PTPN9: variants seen among roughly 807,000 people sequenced by gnomAD.
The protein encoded by PTPN9 is tyrosine-protein phosphatase non-receptor type 9.
Under a neutral mutation model 69.8 loss-of-function variants are expected in PTPN9, and 26 were observed. The ratio of observed to expected loss-of-function variants is 0.37; its 90% CI spans 0.27 to 0.52. PTPN9 has a LOEUF of 0.52. Ranked by LOEUF, PTPN9 falls within the 20% of genes least tolerant of loss-of-function variation. PTPN9 has a pLI of 0.91. For synonymous variants in PTPN9, 274 were observed against 272.5 expected, an observed-to-expected ratio of 1.01 and a Z score of -0.05; for missense variants, 549 against 740.3, an observed-to-expected ratio of 0.74 and a Z score of 3.00.
At chr15:75,552,613 G>A (rs151059570) in intron 1 of PTPN9, among the ~76,000 whole-genome samples, 2 of 151,576 alleles carry the variant, frequency 1.3e-5, no homozygotes, top group African/African-American at 2.4e-5. Context: ...GCATGTTTGC[G>A]GCTCAGATAT....
chr15:75,568,792 A>T (rs1022589088), intron 1 of PTPN9, among the ~76,000 whole-genome samples: 1 of 151,818 alleles, frequency 6.6e-6, no homozygotes, highest in Non-Finnish European at 1.5e-5. Context: ...AGCTAGGATC[A>T]AGCCACTGCA....
intron 7 of PTPN9, among the ~76,000 whole-genome samples, chr15:75,503,873 G>A (rs1191377330): frequency 9.0e-6 from 1 of 110,806 alleles, no homozygotes; most frequent in African/African-American, 3.6e-5. Context: ...TCAGCCCTCC[G>A]CCCGGCCAGC....
intron 12 of PTPN9, among the ~76,000 whole-genome samples, chr15:75,469,443 A>G (rs556299145): frequency 6.6e-6 from 1 of 152,366 alleles, no homozygotes; most frequent in South Asian, 2.1e-4. Flanking sequence ...AATGGAGAAC[A>G]CAGCACAGGG....
At position 75,468,480 on chromosome 15, in the gene PTPN9, C is replaced by G. The variant is rs556599085; in HGVS notation, c.*289G>C. ...GGAGGGAGGTTCCTTCCCCACTTACCTCGGGGACCCTAGCAAAAATCAATA... is the reference window on the plus strand; with the variant it reads ...GGAGGGAGGTTCCTTCCCCACTTACGTCGGGGACCCTAGCAAAAATCAATA... On this transcript the variant is annotated 3_prime_UTR_variant, in exon 13 of 13. Coordinates refer to ENST00000618819, the MANE Select transcript of PTPN9 (RefSeq NM_002833.4). 6 of 268,958 alleles carry G rather than the reference C, an allele frequency of 2.2e-5. No individual in the cohort carries two copies. In the East Asian group the frequency reaches 2.7e-4, roughly 12 times the overall value. 16.7% of individuals were successfully genotyped at this position (268,958 alleles called of 1,614,324 possible).
rs201560574 is a variant in PTPN9, at chr15:75,547,293, T to TC, written c.64-20033dup. 4.7e-3 allele frequency among the ~76,000 whole-genome samples: 168 copies of TC among 36,072 alleles called. 5 individuals are homozygous for TC. Among genetic ancestry groups the TC allele is most frequent in the East Asian group, 0.018 (15 of 854 alleles). 23.7% of individuals were successfully genotyped at this position (36,072 alleles called of 152,430 possible). ...TTGGCCGACAGAGCAAGACTCTGTC[T>TC]CAAAAAAAAAAAAAAAAAAAAAAGG... On this transcript the variant is annotated intron_variant, in intron 1 of 12. Transcript: ENST00000618819.
intron 1 of PTPN9, among the ~76,000 whole-genome samples, chr15:75,544,724 C>T (rs750158532): frequency 2.0e-5 from 3 of 152,040 alleles, no homozygotes; most frequent in Non-Finnish European, 4.4e-5. Context: ...ACCACACAAC[C>T]AGAAGAAACC....
At chr15:75,472,177 C>T (rs1171924360) in intron 10 of PTPN9, among the ~76,000 whole-genome samples, 1 of 151,866 alleles carries the variant, frequency 6.6e-6, no homozygotes, top group African/African-American at 2.4e-5. Flanking sequence ...TAAAATCTTC[C>T]GGCCAGGCGC....
intron 7 of PTPN9, among the ~76,000 whole-genome samples, chr15:75,502,039 C>A (rs1375459192): frequency 1.3e-5 from 2 of 151,786 alleles, no homozygotes; most frequent in African/African-American, 4.8e-5. Context: ...TACCTGTAGT[C>A]CCAGCTACTC....
intron 1 of PTPN9, among the ~76,000 whole-genome samples, chr15:75,570,866 A>G (rs927546488): frequency 1.9e-4 from 29 of 152,276 alleles, no homozygotes; most frequent in Middle Eastern, 3.4e-3. Context: ...TCTGGAATTC[A>G]TAAGAACCTG....
At chr15:75,540,536 C>CT (rs2075003516) in intron 1 of PTPN9, among the ~76,000 whole-genome samples, 1 of 135,052 alleles carries the variant, frequency 7.4e-6, no homozygotes, top group Non-Finnish European at 1.5e-5. Context: ...GAGCAAGACT[C>CT]TGTCTCTAAA....
intron 1 of PTPN9, among the ~76,000 whole-genome samples, chr15:75,557,356 C>T (rs1019250788): frequency 4.0e-5 from 6 of 151,230 alleles, no homozygotes; most frequent in Non-Finnish European, 5.9e-5. Flanking sequence ...ACCTGGGAGG[C>T]GGAGGTTGTA....
At chr15:75,558,052 A>G (rs12916256) in intron 1 of PTPN9, among the ~76,000 whole-genome samples, 84,993 of 151,992 alleles carry the variant, frequency 0.56, 24,583 homozygotes, top group African/African-American at 0.71. Flanking sequence ...AAAATTGACC[A>G]GGCGCAGTCG....
chr15:75,502,300 A>G (rs1054188520), intron 7 of PTPN9, among the ~76,000 whole-genome samples: 29 of 152,044 alleles, frequency 1.9e-4, no homozygotes, highest in African/African-American at 6.5e-4. Flanking sequence ...TACAAAAATT[A>G]GCCAGGCATG....
intron 9 of PTPN9, among the ~76,000 whole-genome samples, chr15:75,476,465 C>T (rs1595945951): frequency 6.6e-6 from 1 of 152,222 alleles, no homozygotes; most frequent in Admixed American, 6.5e-5. Flanking sequence ...CAGGCATGCA[C>T]CACTACGCTC....
chr15:75,506,837 T>C (rs1272395380), intron 6 of PTPN9, among the ~76,000 whole-genome samples: 1 of 152,056 alleles, frequency 6.6e-6, no homozygotes, highest in East Asian at 1.9e-4. Context: ...TTGGAATGCC[T>C]TCCTTTCCTC....
At chr15:75,479,005 C>T (rs1219778121) in intron 9 of PTPN9, among the ~76,000 whole-genome samples, 1 of 152,188 alleles carries the variant, frequency 6.6e-6, no homozygotes, top group Non-Finnish European at 1.5e-5. Flanking sequence ...TTTATAGAAA[C>T]TCCACCTGAA....
At chr15:75,525,908 C>T (rs2141321683) in intron 2 of PTPN9, among the ~76,000 whole-genome samples, 1 of 151,688 alleles carries the variant, frequency 6.6e-6, no homozygotes, top group East Asian at 1.9e-4. Context: ...CTGGGAGACA[C>T]AGCAAGACTC....
chr15:75,527,295 G>T (rs1020306288), intron 1 of PTPN9, 34 bp from the exon 2 acceptor site: 1 of 1,609,878 alleles, frequency 6.2e-7, no homozygotes, highest in Non-Finnish European at 8.5e-7. Flanking sequence ...TAATTAGTAA[G>T]AAGAGAGCAT....
intron 6 of PTPN9, among the ~76,000 whole-genome samples, chr15:75,507,689 C>T (rs1193710271): frequency 6.6e-6 from 1 of 151,938 alleles, no homozygotes; most frequent in South Asian, 2.1e-4. Context: ...ATGGTTTGAA[C>T]CTGGGAGGCG....
Sources: allele counts gnomAD v4.1 joint callset (sites outside exome capture counted in the v4.1 genomes callset), GRCh38; gene constraint gnomAD v4.1.1; transcripts MANE v1.5; gene names NCBI Gene and HGNC (gene_info 2026-07-23, HGNC 2026-07-21).